Variants in IFIH1 observed in about 807,000 individuals in gnomAD.
IFIH1 encodes the protein interferon-induced helicase C domain-containing protein 1.
IFIH1 carries 125 observed loss-of-function variants against 107.4 expected under a neutral mutation model. The observed-to-expected ratio is 1.16, with a 90% CI of 1.01 to 1.35. The LOEUF (loss-of-function observed/expected upper bound fraction) is 1.35, where lower values mean the gene tolerates loss of function less well. Ranked by LOEUF, IFIH1 falls within the 40% of genes most tolerant of loss-of-function variation. IFIH1 has a pLI of 0.00. For synonymous variants in IFIH1, 458 were observed against 413.2 expected, an observed-to-expected ratio of 1.11 and a Z score of -1.31; for missense variants, 1,333 against 1,213.7, an observed-to-expected ratio of 1.10 and a Z score of -1.46.
chr2:162,285,231 A>T (rs1682876786), intron 5 of IFIH1, among the ~76,000 whole-genome samples: 1 of 152,002 alleles, frequency 6.6e-6, no homozygotes, highest in Non-Finnish European at 1.5e-5. Flanking sequence ...ATCTCTCATG[A>T]TGTTGAAGCC....
Position 162,272,318 on chromosome 2 carries a change from C to G in IFIH1, c.2524G>C (p.Glu842Gln). Residue 842 changes from glutamate to glutamine, a missense_variant, in exon 13 of 16, where the codon GAA (glutamate) becomes CAA (glutamine). By Grantham distance (29) the Glu-to-Gln change is conservative. Transcript: ENST00000649979. ...CGGAAATCATTAACTGTCTCATGTT[C>G]GATAACTCCTGAACCACTGTGAGCA... is the stretch of plus-strand genomic sequence containing the variant. Reference protein sequence around the residue: ...LVAHSGSGVIEHETVNDFREK... With the variant: ...LVAHSGSGVIQHETVNDFREK... 9.9e-6 allele frequency: 16 copies of G among 1,613,112 alleles called. No homozygotes were observed. The highest frequency in any genetic ancestry group is 1.3e-5 in the Non-Finnish European group (15 of 1,179,454).
intron 11 of IFIH1, among the ~76,000 whole-genome samples, chr2:162,275,292 C>T (rs981298366): frequency 6.6e-6 from 1 of 152,174 alleles, no homozygotes; most frequent in Non-Finnish European, 1.5e-5. Flanking sequence ...CATTTGCACT[C>T]TACCTCTTTT....
intron 13 of IFIH1, among the ~76,000 whole-genome samples, chr2:162,271,214 C>T (rs1469557290): frequency 1.3e-5 from 2 of 152,156 alleles, no homozygotes; most frequent in Non-Finnish European, 2.9e-5. Context: ...GCTTCCCTGT[C>T]ACTCCTTCTA....
At position 162,278,283 on chromosome 2, in the gene IFIH1, T is replaced by A. The variant is rs2105198654; in HGVS notation, c.1687A>T (p.Thr563Ser). ...KLLEIMTRIQTYCQMSPMSDF... is the reference protein window; with the variant it reads ...KLLEIMTRIQSYCQMSPMSDF... ...GACATTGGACTCATTTGACAATAAG[T>A]TTGAATCCTTGTCATTATTTCTAGA... Residue 563 changes from threonine (T) to serine (S), a missense_variant, in exon 9 of 16, where the codon ACT becomes TCT. Coordinates refer to ENST00000649979, the MANE Select transcript of IFIH1 (RefSeq NM_022168.4). The A allele has an allele frequency of 1.3e-6, 2 of 1,521,448 alleles. No individual in the cohort carries two copies. The highest frequency in any genetic ancestry group is 1.8e-6 in the Non-Finnish European group (2 of 1,101,644). 94.2% of individuals were successfully genotyped at this position (1,521,448 alleles called of 1,614,324 possible).
At chr2:162,301,873 A>C (rs1185524275) in intron 3 of IFIH1, among the ~76,000 whole-genome samples, 3 of 152,218 alleles carry the variant, frequency 2.0e-5, no homozygotes, top group Non-Finnish European at 4.4e-5. Flanking sequence ...AGCATCCAGC[A>C]TTAAATTGCC....
chr2:162,298,541 C>T (rs1318380274), intron 3 of IFIH1, among the ~76,000 whole-genome samples: 1 of 152,112 alleles, frequency 6.6e-6, no homozygotes, highest in Non-Finnish European at 1.5e-5. Context: ...CAGCTATCCC[C>T]ACCTTCCCTC....
chr2:162,288,075 TA>T, intron 5 of IFIH1, 59 bp downstream of exon 5: 1 of 1,114,066 alleles, frequency 9.0e-7, no homozygotes, highest in Non-Finnish European at 1.3e-6. Flanking sequence ...TGCCATCATA[TA>T]AAAGTTTCAG....
intron 3 of IFIH1, among the ~76,000 whole-genome samples, chr2:162,304,041 A>G (rs1293755902): frequency 6.6e-6 from 1 of 152,226 alleles, no homozygotes; most frequent in African/African-American, 2.4e-5. Flanking sequence ...CTATAGAATC[A>G]TGATTTCTAA....
In IFIH1 at chr2:162,304,886, G is replaced by T. The variant is rs548823632; in HGVS notation, c.769+1823C>A. Among the ~76,000 whole-genome samples, 4 of 152,286 alleles carry T rather than the reference G, an allele frequency of 2.6e-5. No homozygotes were observed. In the South Asian group the frequency reaches 8.3e-4, roughly 32 times the overall value. ...GGTACAAGTTCCTGGAGTGAGATTT[G>T]ACATTAAGTATCAAATGTGTTAAAA... On this transcript the variant is annotated intron_variant, in intron 3 of 15. Coordinates refer to ENST00000649979, the MANE Select transcript of IFIH1 (RefSeq NM_022168.4).
chr2:162,306,613 T>C, intron 3 of IFIH1, 96 bp downstream of exon 3: 1 of 780,298 alleles, frequency 1.3e-6, no homozygotes, highest in Admixed American at 2.7e-5. Context: ...CTAACCTTAA[T>C]GCCCACATTT....
At position 162,278,296 on chromosome 2, in the gene IFIH1, C is replaced by T. The variant is rs1682743273; in HGVS notation, c.1674G>A (p.Met558Ile). Reference protein sequence around the residue: ...DPFKEKLLEIMTRIQTYCQMS... With the variant: ...DPFKEKLLEIITRIQTYCQMS... ...TTTGACAATAAGTTTGAATCCTTGT[C>T]ATTATTTCTAGAAGTTTCTCTTTAA... Residue 558 changes from methionine to isoleucine, a missense_variant, in exon 9 of 16, where the codon ATG becomes ATA. By Grantham distance (10) the Met-to-Ile change is conservative. Coordinates refer to ENST00000649979, the MANE Select transcript of IFIH1 (RefSeq NM_022168.4). The T allele has an allele frequency of 2.7e-6, 4 of 1,484,396 alleles. No individual in the cohort carries two copies. The highest frequency in any genetic ancestry group is 3.7e-6 in the Non-Finnish European group (4 of 1,071,224). The allele number at this position is 1,484,396 out of a possible 1,614,324, so 92.0% of individuals were successfully genotyped here.
chr2:162,293,710 G>A (rs376279653), intron 3 of IFIH1, 42 bp from the exon 4 acceptor site: 1 of 1,344,458 alleles, frequency 7.4e-7, no homozygotes, highest in Non-Finnish European at 1.1e-6. Flanking sequence ...AAATATTTCT[G>A]AGAATAAACG....
chr2:162,290,182 T>A (rs13313773), intron 4 of IFIH1, among the ~76,000 whole-genome samples: 22,097 of 151,712 alleles, frequency 0.15, 3,826 homozygotes, highest in African/African-American at 0.39. Flanking sequence ...CATCTGAGTT[T>A]CATTTTTGCG....
chr2:162,282,709 TCCC>T (rs1426728318), intron 5 of IFIH1, 133 bp from the exon 6 acceptor site: 1 of 608,906 alleles, frequency 1.6e-6, no homozygotes, highest in Non-Finnish European at 2.9e-6. Flanking sequence ...ATAACAACGT[TCCC>T]ATCACTCCTT....
intron 4 of IFIH1, among the ~76,000 whole-genome samples, chr2:162,293,222 G>A (rs906175179): frequency 2.6e-5 from 4 of 151,622 alleles, no homozygotes; most frequent in African/African-American, 9.7e-5. Context: ...GTAGAATTTG[G>A]AAGTAAATAA....
rs778676478 is a variant in IFIH1, at chr2:162,277,431, G to A, written c.2028C>T (p.Leu676=). 1.9e-6 allele frequency: 3 copies of A among 1,608,068 alleles called. No homozygotes were observed. Among genetic ancestry groups the A allele is most frequent in the Non-Finnish European group, 8.5e-7 (1 of 1,175,920 alleles). The change falls in exon 10 of 16, where the codon CTC becomes CTT. Residue 676 remains leucine, a synonymous_variant. Coordinates refer to ENST00000649979, the MANE Select transcript of IFIH1 (RefSeq NM_022168.4). ...GAATCTTACCAAAAAATAAAGTCAT[G>A]AGAAATCTATCTGTTTCATCCAGTT... ...PLKLDETDRF[L]MTLFFENNKM... is the part of the protein sequence containing the mutation.
chr2:162,268,941 T>A lies in IFIH1; in HGVS notation c.2617-664A>T, dbSNP rs1236786999. Among the ~76,000 whole-genome samples, 4 of 151,464 alleles carry A rather than the reference T, an allele frequency of 2.6e-5. No homozygotes were observed. In the East Asian group the frequency reaches 7.7e-4, roughly 29 times the overall value. On this transcript the variant is annotated intron_variant, in intron 13 of 15. Coordinates refer to ENST00000649979, the MANE Select transcript of IFIH1 (RefSeq NM_022168.4). ...AAATAGGTCTAAACTTCCTTCCACATGGAATCTCTTTACTAAACACTGTTA... is the reference window on the plus strand; with the variant it reads ...AAATAGGTCTAAACTTCCTTCCACAAGGAATCTCTTTACTAAACACTGTTA...
intron 2 of IFIH1, among the ~76,000 whole-genome samples, chr2:162,307,350 A>G (rs1484490343): frequency 6.6e-6 from 1 of 152,172 alleles, no homozygotes. Flanking sequence ...GAAAATGCAA[A>G]TTTGGTAGTT....
chr2:162,281,305 T>C (rs1682802853), intron 7 of IFIH1, 23 bp downstream of exon 7: 3 of 1,585,978 alleles, frequency 1.9e-6, no homozygotes, highest in Non-Finnish European at 2.6e-6. Context: ...CTTTCATTGG[T>C]TATACATAAA....
Sources: allele counts gnomAD v4.1 joint callset (sites outside exome capture counted in the v4.1 genomes callset), GRCh38; gene constraint gnomAD v4.1.1; transcripts MANE v1.5; gene names NCBI Gene and HGNC (gene_info 2026-07-23, HGNC 2026-07-21).